The following BDH1 variants were observed in gnomAD, a reference collection of about 807,000 sequenced individuals.
BDH1 encodes the protein D-beta-hydroxybutyrate dehydrogenase, mitochondrial.
BDH1 carries 30 observed loss-of-function variants against 33.1 expected under a neutral mutation model. That is an observed-to-expected ratio of 0.91 (90% CI 0.68 to 1.23). BDH1 has a LOEUF of 1.23. Among genes scored for constraint, BDH1 ranks in the 50% most tolerant of loss-of-function variants. The probability of loss-of-function intolerance (pLI) is 0.00; values close to 1 mark genes in which losing one functional copy is unlikely to be tolerated. For synonymous variants in BDH1, 190 were observed against 183.6 expected (o/e 1.03, Z -0.28); for missense variants, 443 against 464.4 (o/e 0.95, Z 0.42).
Position 197,554,770 on chromosome 3 carries a change from T to C in BDH1, c.-195-57A>G, listed in dbSNP as rs1036354504. 1 of 150,882 alleles carries C rather than the reference T, an allele frequency of 6.6e-6. No individual in the cohort carries two copies. Among genetic ancestry groups the C allele is most frequent in the Admixed American group, 6.6e-5 (1 of 15,210 alleles). 9.3% of individuals were successfully genotyped at this position (150,882 alleles called of 1,614,324 possible). On this transcript the variant is annotated intron_variant, in intron 1 of 7. Coordinates refer to ENST00000392379, the MANE Select transcript of BDH1 (RefSeq NM_203314.3). The surrounding 1 kb of genome is among the most constrained non-coding windows in gnomAD (Gnocchi z 4.4). ...GACGCCGCGCGCAGCACCAAACACT[T>C]CCCCAGAAGGGCGCAGCCTGGAGGC...
At chr3:197,548,622 A>G (rs1716288896) in intron 2 of BDH1, among the ~76,000 whole-genome samples, 1 of 152,082 alleles carries the variant, frequency 6.6e-6, no homozygotes, top group Admixed American at 6.5e-5. Context: ...AGGCTGAGGC[A>G]GGTGGATCAC....
At chr3:197,549,022 G>A (rs1457230500) in intron 2 of BDH1, among the ~76,000 whole-genome samples, 1 of 152,130 alleles carries the variant, frequency 6.6e-6, no homozygotes, top group Non-Finnish European at 1.5e-5. Flanking sequence ...TTCATGTTTT[G>A]TGCCAGGCCT....
At chr3:197,566,938 T>TA (rs756890600) in intron 1 of BDH1, among the ~76,000 whole-genome samples, 4 of 152,142 alleles carry the variant, frequency 2.6e-5, no homozygotes, top group Non-Finnish European at 5.9e-5. Flanking sequence ...CAGAAGAAAA[T>TA]AATAGCAACC....
Position 197,511,985 on chromosome 3 carries a change from G to C in BDH1, c.942C>G (p.Arg314=), listed in dbSNP as rs763872527. The change falls in exon 8 of 8, where the codon CGC becomes CGG. Residue 314 remains arginine (R), a synonymous_variant. Transcript: ENST00000392379. ...HALTATTPYT[R]YHPMDYYWWL... ...ACCAGTAGTAGTCCATGGGGTGGTA[G>C]CGGGTGTAGGGGGTGGTGGCGGTCA... 1 of 1,612,330 alleles carries C rather than the reference G, an allele frequency of 6.2e-7. No individual in the cohort carries two copies. Among genetic ancestry groups the C allele is most frequent in the Admixed American group, 1.7e-5 (1 of 59,944 alleles).
chr3:197,519,828 C>A (rs368019939), intron 6 of BDH1, among the ~76,000 whole-genome samples: 1 of 152,064 alleles, frequency 6.6e-6, no homozygotes, highest in South Asian at 2.1e-4. Flanking sequence ...TGTCCCTCAG[C>A]GTCCTGCGGG....
intron 1 of BDH1, among the ~76,000 whole-genome samples, chr3:197,572,970 G>A (rs1276278279): frequency 6.6e-6 from 1 of 151,822 alleles, no homozygotes; most frequent in African/African-American, 2.4e-5. Flanking sequence ...TATCCCTATT[G>A]CTACCAGGGA....
rs1478748246 is a variant in BDH1 at position 197,512,127 on chromosome 3, A to G, written c.800T>C (p.Val267Ala). 1.2e-6 allele frequency: 2 copies of G among 1,613,900 alleles called. No individual in the cohort carries two copies. The highest frequency in any genetic ancestry group is 1.7e-6 in the Non-Finnish European group (2 of 1,180,002). Reference sequence around the variant, plus strand: ...CTTCTTGCCGTAGTCCTTGCGCACGACCTCAGGCAGCTCCTCCCACATCTT... The same window carrying G: ...CTTCTTGCCGTAGTCCTTGCGCACGGCCTCAGGCAGCTCCTCCCACATCTT... The part of the protein sequence containing the change: ...AKKMWEELPE[V>A]VRKDYGKKYF... The change falls in exon 8 of 8, where the codon GTC becomes GCC. Residue 267 changes from valine (V) to alanine (A), a missense_variant. By Grantham distance (64) the Val-to-Ala change is moderately conservative (BLOSUM62 0). Transcript: ENST00000392379.
chr3:197,511,126 C>A lies in BDH1; in HGVS notation c.*769G>T, dbSNP rs113076498. ...CCTATAACCCCAGCTACTTGGAAGG[C>A]TGAGGCAGGAGAACCGCTTGAACCA... On this transcript the variant is annotated 3_prime_UTR_variant, in exon 8 of 8. Coordinates refer to ENST00000392379, the MANE Select transcript of BDH1 (RefSeq NM_203314.3). 1,613 of 152,496 alleles carry A rather than the reference C, an allele frequency of 0.011. 7 individuals are homozygous for A. The highest frequency in any genetic ancestry group is 0.022 in the South Asian group (107 of 4,820). 9.4% of individuals were successfully genotyped at this position (152,496 alleles called of 1,614,324 possible). A position where few individuals can be genotyped will look rare whatever the true frequency, so the allele number is the denominator to read the frequency against.
chr3:197,545,662 G>A (rs779013358), intron 3 of BDH1, among the ~76,000 whole-genome samples: 3 of 152,226 alleles, frequency 2.0e-5, no homozygotes, highest in Non-Finnish European at 4.4e-5. Context: ...CTGGAATAAG[G>A]TCTGTAGACT....
At chr3:197,545,646 G>A (rs1472158682) in intron 3 of BDH1, among the ~76,000 whole-genome samples, 3 of 152,234 alleles carry the variant, frequency 2.0e-5, no homozygotes, top group Admixed American at 1.3e-4. Context: ...CAGCCACTTG[G>A]CAACACTGGA....
chr3:197,512,241 A>G lies in BDH1; in HGVS notation c.686T>C (p.Leu229Pro). The G allele has an allele frequency of 6.2e-7, 1 of 1,613,648 alleles. No individual in the cohort carries two copies. Among genetic ancestry groups the G allele is most frequent in the Non-Finnish European group, 8.5e-7 (1 of 1,180,020 alleles). Residue 229 changes from leucine to proline, a missense_variant, in exon 8 of 8, where the codon CTG becomes CCG. Leu to Pro is a moderately conservative substitution (Grantham distance 98). Transcript: ENST00000392379. ...CTCCACCACGCTGACCTTCACGCCC[A>G]GGGGGTACATCTCATAGCGCAGGCA... ...SDCLRYEMYPLGVKVSVVEPG... is the reference protein window; with the variant it reads ...SDCLRYEMYPPGVKVSVVEPG...
chr3:197,529,188 C>G (rs1714417179), intron 5 of BDH1: 2 of 152,200 alleles, frequency 1.3e-5, no homozygotes, highest in African/African-American at 4.8e-5. Context: ...AACCTAAAAC[C>G]TGCACACCTT....
intron 3 of BDH1, among the ~76,000 whole-genome samples, chr3:197,544,463 T>TA (rs1358076439): frequency 7.2e-5 from 11 of 152,176 alleles, no homozygotes; most frequent in Admixed American, 2.0e-4. Context: ...TTCTCCTCTA[T>TA]AAAAAAACTC....
At chr3:197,532,663 T>C in intron 4 of BDH1, 141 bp from the exon 5 acceptor site, 1 of 632,404 alleles carries the variant, frequency 1.6e-6, no homozygotes, top group Non-Finnish European at 2.8e-6. Context: ...TCTTGTTGTC[T>C]GGAGAAGCAC....
chr3:197,515,019 C>T (rs762131268), intron 6 of BDH1, among the ~76,000 whole-genome samples: 5 of 152,200 alleles, frequency 3.3e-5, no homozygotes, highest in East Asian at 1.9e-4. Context: ...TCTCCCGGGC[C>T]GATAGCCCCG....
Position 197,512,133 on chromosome 3 carries a change from G to T in BDH1, c.794C>A (p.Pro265His). ...AIAKKMWEEL[P>H]EVVRKDYGKK... ...GCCGTAGTCCTTGCGCACGACCTCA[G>T]GCAGCTCCTCCCACATCTTCTTGGC... Residue 265 changes from proline (P) to histidine (H), a missense_variant, in exon 8 of 8, where the codon CCT becomes CAT. Physicochemically the swap from Pro to His is moderately conservative, Grantham distance 77 (BLOSUM62 -2). Coordinates refer to ENST00000392379, the MANE Select transcript of BDH1 (RefSeq NM_203314.3). 6.2e-7 allele frequency: 1 copy of T among 1,614,204 alleles called. No individual in the cohort carries two copies. Among genetic ancestry groups the T allele is most frequent in the Non-Finnish European group, 8.5e-7 (1 of 1,180,040 alleles).
At chr3:197,552,069 T>C (rs1579995484) in intron 2 of BDH1, among the ~76,000 whole-genome samples, 1 of 152,288 alleles carries the variant, frequency 6.6e-6, no homozygotes, top group Non-Finnish European at 1.5e-5. Flanking sequence ...CTCAGACAAC[T>C]GCGCATCTAA....
At chr3:197,567,918 A>G (rs1447461914) in intron 1 of BDH1, among the ~76,000 whole-genome samples, 1 of 152,142 alleles carries the variant, frequency 6.6e-6, no homozygotes, top group African/African-American at 2.4e-5. Context: ...AGAATGAAGT[A>G]CCCTAAAAGA....
At chr3:197,560,115 T>C (rs1189056974), upstream of BDH1, among the ~76,000 whole-genome samples, 3 of 152,234 alleles carry the variant, frequency 2.0e-5, no homozygotes, top group Non-Finnish European at 4.4e-5. Flanking sequence ...GTCCCTGCCT[T>C]CAAGGAGGTG....
Sources: allele counts gnomAD v4.1 joint callset (sites outside exome capture counted in the v4.1 genomes callset), GRCh38; gene constraint gnomAD v4.1.1; non-coding constraint Gnocchi (gnomAD v3.1); transcripts MANE v1.5; gene names NCBI Gene and HGNC (gene_info 2026-07-23, HGNC 2026-07-21).